The following ETV1 variants were observed in gnomAD, a reference collection of about 807,000 sequenced individuals.
ETV1 encodes the protein ETS variant transcription factor 1.
A neutral mutation model predicts 62.3 loss-of-function variants in ETV1; 27 were observed. The observed-to-expected ratio is 0.43, with a 90% CI of 0.32 to 0.60. ETV1 has a LOEUF of 0.60. Ranked by LOEUF, ETV1 falls within the 20% of genes least tolerant of loss-of-function variation. ETV1 has a pLI of 0.06. For missense variants in ETV1, 605 were observed against 605.8 expected (o/e 1.00, Z 0.01); for synonymous variants, 222 against 199.6 (o/e 1.11, Z -0.94).
In ETV1 at chr7:13,989,438, A is replaced by G. The variant is rs1782858241; in HGVS notation, c.-258T>C. The G allele has an allele frequency of 4.7e-6, 2 of 429,682 alleles. No individual in the cohort carries two copies. The highest frequency in any genetic ancestry group is 4.1e-5 in the African/African-American group (2 of 49,008). 26.6% of individuals were successfully genotyped at this position (429,682 alleles called of 1,614,324 possible). On this transcript the variant is annotated 5_prime_UTR_variant, in exon 2 of 14. Transcript: ENST00000430479. ...TGTGCAAAACTAGCAATGGCGATCAACGAGACTTGCTTTGCACCTAACGGG... is the reference window on the plus strand; with the variant it reads ...TGTGCAAAACTAGCAATGGCGATCAGCGAGACTTGCTTTGCACCTAACGGG...
chr7:13,928,944 C>T (rs998519183), intron 9 of ETV1, among the ~76,000 whole-genome samples: 11 of 152,092 alleles, frequency 7.2e-5, no homozygotes, highest in Admixed American at 5.2e-4. Context: ...GGCGACAGAG[C>T]GAGACTCCGT....
chr7:13,989,391 G>T lies in ETV1; in HGVS notation c.-211C>A, dbSNP rs1309363668. ...TTTCCCTGCGCGGTCGGTGTACCCC[G>T]GGCAGCTCTGATTCGCAAACGTGTG... On this transcript the variant is annotated 5_prime_UTR_variant, in exon 2 of 14. Coordinates refer to ENST00000430479, the MANE Select transcript of ETV1 (RefSeq NM_004956.5). 4 of 459,886 alleles carry T rather than the reference G, an allele frequency of 8.7e-6. No individual in the cohort carries two copies. The highest frequency in any genetic ancestry group is 8.0e-5 in the Admixed American group (2 of 24,962). 28.5% of individuals were successfully genotyped at this position (459,886 alleles called of 1,614,324 possible).
At chr7:13,919,562 C>CCACACA (rs1318679024) in intron 9 of ETV1, among the ~76,000 whole-genome samples, 3 of 100,004 alleles carry the variant, frequency 3.0e-5, no homozygotes, top group African/African-American at 1.5e-4. Flanking sequence ...TAAATAGAAA[C>CCACACA]CATACACACA....
At chr7:13,943,235 A>C (rs1787771789) in intron 6 of ETV1, among the ~76,000 whole-genome samples, 1 of 152,230 alleles carries the variant, frequency 6.6e-6, no homozygotes, top group African/African-American at 2.4e-5. Context: ...ACAACAAAAT[A>C]TATGCAAAGG....
chr7:13,939,914 T>G (rs890973962), intron 6 of ETV1, among the ~76,000 whole-genome samples: 1 of 152,230 alleles, frequency 6.6e-6, no homozygotes, highest in African/African-American at 2.4e-5. Context: ...TTATTCTATA[T>G]GAAATGATGT....
At chr7:13,978,461 T>C (rs1240858945) in intron 5 of ETV1, among the ~76,000 whole-genome samples, 2 of 152,004 alleles carry the variant, frequency 1.3e-5, no homozygotes, top group African/African-American at 4.8e-5. Context: ...TTGATAAAAA[T>C]ATAATGAATT....
intron 9 of ETV1, among the ~76,000 whole-genome samples, chr7:13,917,698 C>T (rs1436127013): frequency 6.6e-6 from 1 of 151,900 alleles, no homozygotes; most frequent in Non-Finnish European, 1.5e-5. Flanking sequence ...GGCGCGGTGG[C>T]TCACGCCTGT....
intron 9 of ETV1, among the ~76,000 whole-genome samples, chr7:13,927,409 A>G (rs1330515505): frequency 6.6e-6 from 1 of 152,154 alleles, no homozygotes; most frequent in Non-Finnish European, 1.5e-5. Flanking sequence ...CCGAAATCAC[A>G]CCACTGCACT....
rs536062031 is a variant in ETV1, at chr7:13,923,196, A to G, written c.802+8306T>C. 3.7e-4 allele frequency among the ~76,000 whole-genome samples: 56 copies of G among 152,322 alleles called. 1 individual carries two copies. In the South Asian group the frequency reaches 0.011, roughly 29 times the overall value. On this transcript the variant is annotated intron_variant, in intron 9 of 13. Transcript: ENST00000430479. ...TTTTATATGGATGCAGAAAATAACC[A>G]TGTTGTTCTTGCTCCATTACCCAAT...
chr7:13,900,493 T>C lies in ETV1; in HGVS notation c.1212+245A>G, dbSNP rs368211728. Reference sequence around the variant, plus strand: ...ATACTAAAACAATCTTTTTTAACCATGTGCAGCAAAGTAGGACCTTCCAGA... The same window carrying C: ...ATACTAAAACAATCTTTTTTAACCACGTGCAGCAAAGTAGGACCTTCCAGA... On this transcript the variant is annotated intron_variant, in intron 13 of 13. Coordinates refer to ENST00000430479, the MANE Select transcript of ETV1 (RefSeq NM_004956.5). The C allele has an allele frequency of 2.5e-4, 96 of 379,226 alleles. No homozygotes were observed. The East Asian group carries it at 3.3e-3, about 13-fold the overall frequency. 23.5% of individuals were successfully genotyped at this position (379,226 alleles called of 1,614,324 possible). A position where few individuals can be genotyped will look rare whatever the true frequency, so the allele number is the denominator to read the frequency against.
At chr7:13,968,779 A>T (rs1197208197) in intron 6 of ETV1, among the ~76,000 whole-genome samples, 1 of 151,872 alleles carries the variant, frequency 6.6e-6, no homozygotes, top group Non-Finnish European at 1.5e-5. Flanking sequence ...GGCCTAAAAG[A>T]TTTGTTTCCC....
intron 9 of ETV1, among the ~76,000 whole-genome samples, chr7:13,918,874 TAA>T (rs370489670): frequency 1.9e-3 from 276 of 141,666 alleles, no homozygotes; most frequent in African/African-American, 6.7e-3. Flanking sequence ...TAAAGTATAA[TAA>T]AAAAAAAAAA....
intron 9 of ETV1, among the ~76,000 whole-genome samples, chr7:13,919,355 A>C (rs1784556556): frequency 6.6e-6 from 1 of 151,960 alleles, no homozygotes; most frequent in African/African-American, 2.4e-5. Context: ...AAACAGATGG[A>C]GCAGTGAAAT....
intron 6 of ETV1, among the ~76,000 whole-genome samples, chr7:13,976,460 A>G (rs770989877): frequency 1.3e-5 from 2 of 152,230 alleles, no homozygotes; most frequent in African/African-American, 4.8e-5. Flanking sequence ...ACCTTGCACA[A>G]CCCTCTACGC....
chr7:13,972,777 A>C (rs1461826361), intron 6 of ETV1, among the ~76,000 whole-genome samples: 1 of 151,866 alleles, frequency 6.6e-6, no homozygotes, highest in Non-Finnish European at 1.5e-5. Flanking sequence ...CTTGGTTTTT[A>C]TTTTTATTTT....
intron 9 of ETV1, among the ~76,000 whole-genome samples, chr7:13,916,292 T>C (rs1387752232): frequency 3.3e-5 from 5 of 152,200 alleles, no homozygotes; most frequent in South Asian, 4.1e-4. Flanking sequence ...TGTTAATTTT[T>C]AGATGGTTTT....
intron 5 of ETV1, among the ~76,000 whole-genome samples, chr7:13,980,462 G>GT: frequency 6.6e-6 from 1 of 152,124 alleles, no homozygotes; most frequent in Non-Finnish European, 1.5e-5. Context: ...AAAAAGCAAT[G>GT]TTTTTTCCAC....
intron 5 of ETV1, among the ~76,000 whole-genome samples, chr7:13,981,589 T>C (rs991627905): frequency 6.6e-6 from 1 of 151,922 alleles, no homozygotes; most frequent in African/African-American, 2.4e-5. Flanking sequence ...ACAGAGTAAC[T>C]TGTTACAGAA....
intron 4 of ETV1, chr7:13,987,060 G>A (rs1782612481): frequency 1.1e-5 from 2 of 186,722 alleles, no homozygotes; most frequent in Non-Finnish European, 2.1e-5. Flanking sequence ...TAGTAGTAGG[G>A]GGAAGATTAG....
Sources: allele counts gnomAD v4.1 joint callset (sites outside exome capture counted in the v4.1 genomes callset), GRCh38; gene constraint gnomAD v4.1.1; transcripts MANE v1.5; gene names NCBI Gene and HGNC (gene_info 2026-07-23, HGNC 2026-07-21).